BNC2: variants seen among roughly 807,000 people sequenced by gnomAD.
BNC2 encodes zinc finger protein basonuclin-2.
A neutral mutation model predicts 76.3 loss-of-function variants in BNC2; 20 were observed. That is an observed-to-expected ratio of 0.26 (90% CI 0.18 to 0.38). BNC2 has a LOEUF of 0.38. BNC2 is among the 10% of genes least tolerant of loss of function. The pLI is 1.00. For synonymous variants in BNC2, 582 were observed against 514.8 expected (o/e 1.13, Z -1.77); for missense variants, 1,382 against 1,399.8 (o/e 0.99, Z 0.20).
In BNC2 at chr9:16,559,071, CG is replaced by C. The variant is rs1278135784; in HGVS notation, c.434-6307del. On this transcript the variant is annotated intron_variant, in intron 4 of 6. Transcript: ENST00000380672. ...ATTCTAAACAATTTCACATCTTATACGGATTTACAAAGAGGGACGAATGCCT... is the reference window on the plus strand; with the variant it reads ...ATTCTAAACAATTTCACATCTTATACGATTTACAAAGAGGGACGAATGCCT... 5.3e-5 allele frequency among the ~76,000 whole-genome samples: 8 copies of C among 151,942 alleles called. No individual in the cohort carries two copies. In the East Asian group the frequency reaches 1.5e-3, roughly 29 times the overall value.
chr9:16,870,581 C>A (rs1036091285), intron 1 of BNC2, 65 bp downstream of exon 1: 3 of 1,588,790 alleles, frequency 1.9e-6, no homozygotes, highest in African/African-American at 1.4e-5. Context: ...CGGTGGCGCT[C>A]GGGCGCGGGG....
intron 1 of BNC2, among the ~76,000 whole-genome samples, chr9:16,750,036 A>G (rs1825142085): frequency 6.6e-6 from 1 of 152,212 alleles, no homozygotes; most frequent in Non-Finnish European, 1.5e-5. Context: ...ACTATAGTAG[A>G]CACTAATAGG....
intron 3 of BNC2, among the ~76,000 whole-genome samples, chr9:16,627,172 T>C (rs1012837784): frequency 4.6e-5 from 7 of 152,160 alleles, no homozygotes; most frequent in East Asian, 3.9e-4. Flanking sequence ...TAGTGAGGCA[T>C]GAACGGTGCA....
intron 1 of BNC2, among the ~76,000 whole-genome samples, chr9:16,762,169 T>C (rs1165666068): frequency 1.3e-5 from 2 of 152,188 alleles, no homozygotes; most frequent in African/African-American, 4.8e-5. Flanking sequence ...CTCTATTTTT[T>C]CATGGACATC....
At chr9:16,845,264 G>C (rs1818941331) in intron 1 of BNC2, among the ~76,000 whole-genome samples, 1 of 152,080 alleles carries the variant, frequency 6.6e-6, no homozygotes, top group Non-Finnish European at 1.5e-5. Context: ...AATTCTAAGA[G>C]AAATGGGCAT....
chr9:16,527,901 G>C (rs1817860504), intron 5 of BNC2, among the ~76,000 whole-genome samples: 1 of 152,194 alleles, frequency 6.6e-6, no homozygotes, highest in Admixed American at 6.5e-5. Context: ...TGTCATCCTG[G>C]AGCTCAGGTA....
intron 5 of BNC2, among the ~76,000 whole-genome samples, chr9:16,483,394 A>G (rs1587081580): frequency 6.6e-6 from 1 of 152,200 alleles, no homozygotes; most frequent in Non-Finnish European, 1.5e-5. Context: ...AGATTCAAAT[A>G]CTATAAAGCT....
intron 1 of BNC2, among the ~76,000 whole-genome samples, chr9:16,748,906 T>C (rs994948823): frequency 8.2e-6 from 1 of 121,452 alleles, no homozygotes; most frequent in African/African-American, 3.3e-5. Context: ...TTCTGTACTT[T>C]TTTTCACTTT....
intron 3 of BNC2, among the ~76,000 whole-genome samples, chr9:16,590,473 A>T (rs1819893519): frequency 6.6e-6 from 1 of 151,356 alleles, no homozygotes; most frequent in Non-Finnish European, 1.5e-5. Context: ...GATTACAGGC[A>T]TGAGCCACTG....
chr9:16,669,914 A>C (rs1337395), intron 3 of BNC2, among the ~76,000 whole-genome samples: 109,696 of 152,064 alleles, frequency 0.72, 40,751 homozygotes, highest in African/African-American at 0.78. Flanking sequence ...TCTGCATGAT[A>C]CATGATAATA....
intron 1 of BNC2, among the ~76,000 whole-genome samples, chr9:16,843,928 T>C (rs1586928551): frequency 6.6e-6 from 1 of 152,160 alleles, no homozygotes; most frequent in Non-Finnish European, 1.5e-5. Flanking sequence ...ATGTGAAATA[T>C]CTGTTTTTAT....
At chr9:16,780,358 G>A (rs983468931) in intron 1 of BNC2, among the ~76,000 whole-genome samples, 1 of 151,736 alleles carries the variant, frequency 6.6e-6, no homozygotes, top group Non-Finnish European at 1.5e-5. Flanking sequence ...CAGATCATGA[G>A]GTCAGGAGCT....
chr9:16,730,218 G>A (rs745639773), intron 2 of BNC2, among the ~76,000 whole-genome samples: 2 of 152,130 alleles, frequency 1.3e-5, no homozygotes, highest in African/African-American at 4.8e-5. Context: ...CCCGTGGACC[G>A]GGCCATGTCA....
intron 1 of BNC2, among the ~76,000 whole-genome samples, chr9:16,788,410 G>T (rs13289476): frequency 1.3e-5 from 2 of 151,892 alleles, no homozygotes; most frequent in Non-Finnish European, 2.9e-5. Context: ...AAAATTAGCC[G>T]GGCGTGGTGG....
rs185458359 is a variant in BNC2 at position 16,784,217 on chromosome 9, C to A, written c.4-45732G>T. ...AGCCCTGGAGTTGCTCACAATGTAG[C>A]AGGGAAGACAGCTGTGCAAACAGAT... On this transcript the variant is annotated intron_variant, in intron 1 of 6. Coordinates refer to ENST00000380672, the MANE Select transcript of BNC2 (RefSeq NM_017637.6). Among the ~76,000 whole-genome samples, 3 of 152,274 alleles carry A rather than the reference C, an allele frequency of 2.0e-5. No homozygotes were observed. The East Asian group carries it at 5.8e-4, about 29-fold the overall frequency.
At chr9:16,533,275 G>A (rs186345178) in intron 5 of BNC2, among the ~76,000 whole-genome samples, 52 of 152,280 alleles carry the variant, frequency 3.4e-4, no homozygotes, top group Admixed American at 5.2e-4. Flanking sequence ...CACCCTGCAT[G>A]CCTCTGGAAA....
chr9:16,633,302 C>G (rs949088771), intron 3 of BNC2, among the ~76,000 whole-genome samples: 24 of 152,120 alleles, frequency 1.6e-4, no homozygotes, highest in African/African-American at 5.1e-4. Context: ...TCCCAGTGCA[C>G]AAATGAACAA....
chr9:16,826,715 A>T (rs1343454726), intron 1 of BNC2, among the ~76,000 whole-genome samples: 1 of 152,142 alleles, frequency 6.6e-6, no homozygotes, highest in Non-Finnish European at 1.5e-5. Flanking sequence ...AGAAAGGGAA[A>T]CCCCAATAAC....
At position 16,792,250 on chromosome 9, in the gene BNC2, A is replaced by C. The variant is rs1425163887; in HGVS notation, c.4-53765T>G. Among the ~76,000 whole-genome samples the C allele has an allele frequency of 7.2e-5, 9 of 124,638 alleles. No individual in the cohort carries two copies. The East Asian group carries it at 1.9e-3, about 27-fold the overall frequency. The allele number at this position is 124,638 out of a possible 152,430, so 81.8% of individuals were successfully genotyped here. On this transcript the variant is annotated intron_variant, in intron 1 of 6. Coordinates refer to ENST00000380672, the MANE Select transcript of BNC2 (RefSeq NM_017637.6). ...ATCAGTTGCATTATAACCCCCATTC[A>C]GAATACCAAAGCATAAAGAAGTCAA...
Sources: allele counts gnomAD v4.1 joint callset (sites outside exome capture counted in the v4.1 genomes callset), GRCh38; gene constraint gnomAD v4.1.1; transcripts MANE v1.5; gene names NCBI Gene and HGNC (gene_info 2026-07-23, HGNC 2026-07-21).